Variants in HS3ST5 observed in about 807,000 individuals in gnomAD.
The protein encoded by HS3ST5 is heparan sulfate-glucosamine 3-sulfotransferase 5, also known as heparan sulfate glucosamine 3-O-sulfotransferase 5.
A neutral mutation model predicts 25.4 loss-of-function variants in HS3ST5; 10 were observed. The ratio of observed to expected loss-of-function variants is 0.39; its 90% CI spans 0.24 to 0.67. HS3ST5 has a LOEUF of 0.67. Ranked by LOEUF, HS3ST5 falls within the 30% of genes least tolerant of loss-of-function variation. HS3ST5 has a pLI of 0.44. For synonymous variants in HS3ST5, 170 were observed against 162.4 expected (o/e 1.05, Z -0.36); for missense variants, 324 against 420.7 (o/e 0.77, Z 2.01).
intron 3 of HS3ST5, among the ~76,000 whole-genome samples, chr6:114,150,231 T>C (rs984074873): frequency 5.3e-5 from 8 of 152,240 alleles, no homozygotes; most frequent in African/African-American, 1.9e-4. Flanking sequence ...TTTTAATCTG[T>C]ACTGTTATTT....
chr6:114,267,944 A>C (rs1009336978), intron 1 of HS3ST5, among the ~76,000 whole-genome samples: 6 of 152,188 alleles, frequency 3.9e-5, no homozygotes, highest in African/African-American at 1.4e-4. Flanking sequence ...CTTAATGATT[A>C]CAAAAAAAAT....
intron 1 of HS3ST5, among the ~76,000 whole-genome samples, chr6:114,326,948 T>G (rs1776198650): frequency 6.6e-6 from 1 of 152,174 alleles, no homozygotes; most frequent in Non-Finnish European, 1.5e-5. Flanking sequence ...TTAGTGAAGC[T>G]TTGTGGTTTA....
rs561469803 is a variant in HS3ST5, at chr6:114,168,769, A to G, written c.-144-307T>C. On this transcript the variant is annotated intron_variant, in intron 2 of 4. Transcript: ENST00000312719. ...ACATAGACTTTTAAATAACATTTGT[A>G]TAGCAGAACCTTGTTTCTGATCTGG... Among the ~76,000 whole-genome samples the G allele has an allele frequency of 1.7e-4, 26 of 152,326 alleles. 2 individuals are homozygous for G. In the South Asian group the frequency reaches 5.0e-3, roughly 29 times the overall value.
chr6:114,256,351 G>A (rs1354346900), intron 1 of HS3ST5, among the ~76,000 whole-genome samples: 4 of 150,114 alleles, frequency 2.7e-5, no homozygotes, highest in African/African-American at 4.9e-5. Context: ...TTGCGCCACT[G>A]CACTCCAGCC....
chr6:114,306,256 T>TATATATAC (rs756494412), intron 1 of HS3ST5, among the ~76,000 whole-genome samples: 58 of 115,402 alleles, frequency 5.0e-4, no homozygotes, highest in African/African-American at 1.6e-3. Context: ...TATATATATA[T>TATATATAC]ACACACACAC....
In HS3ST5 at chr6:114,211,943, C is replaced by A. The variant is rs189842724; in HGVS notation, c.-145+16642G>T. Among the ~76,000 whole-genome samples the A allele has an allele frequency of 3.9e-3, 592 of 152,312 alleles. 3 individuals carry two copies. The highest frequency in any genetic ancestry group is 7.2e-3 in the Non-Finnish European group (490 of 68,028). ...ATGTTATGTGCCCCACATTGTTCTG[C>A]AACAGCGTGGGAAATATGATAGAAA... On this transcript the variant is annotated intron_variant, in intron 2 of 4. Coordinates refer to ENST00000312719, the MANE Select transcript of HS3ST5 (RefSeq NM_153612.4).
At chr6:114,122,435 C>G (rs1253001035) in intron 3 of HS3ST5, among the ~76,000 whole-genome samples, 1 of 152,138 alleles carries the variant, frequency 6.6e-6, no homozygotes, top group African/African-American at 2.4e-5. Context: ...TTTCAGAACT[C>G]CCAGGGAATT....
intron 1 of HS3ST5, among the ~76,000 whole-genome samples, chr6:114,335,825 T>C (rs1776587462): frequency 6.6e-6 from 1 of 152,098 alleles, no homozygotes; most frequent in African/African-American, 2.4e-5. Context: ...AGCTAATTTT[T>C]GTATTTTTAG....
chr6:114,082,125 T>A (rs915743231), intron 3 of HS3ST5, among the ~76,000 whole-genome samples: 9 of 152,228 alleles, frequency 5.9e-5, no homozygotes, highest in African/African-American at 1.9e-4. Flanking sequence ...TAGAATTTCC[T>A]TCCATTCAGC....
chr6:114,104,617 T>G (rs1775901914), intron 3 of HS3ST5, among the ~76,000 whole-genome samples: 1 of 152,340 alleles, frequency 6.6e-6, no homozygotes, highest in East Asian at 1.9e-4. Context: ...GCATGAAATA[T>G]GCAGGTGCAA....
chr6:114,118,024 A>T (rs993965962), intron 3 of HS3ST5, among the ~76,000 whole-genome samples: 1 of 152,194 alleles, frequency 6.6e-6, no homozygotes, highest in African/African-American at 2.4e-5. Flanking sequence ...GAAAAAGAAG[A>T]CACCTAGCAA....
In HS3ST5 at chr6:114,185,939, G is replaced by A. The variant is rs543439829; in HGVS notation, c.-144-17477C>T. Among the ~76,000 whole-genome samples the A allele has an allele frequency of 2.0e-5, 3 of 151,824 alleles. No homozygotes were observed. In the East Asian group the frequency reaches 5.8e-4, roughly 30 times the overall value. On this transcript the variant is annotated intron_variant, in intron 2 of 4. Transcript: ENST00000312719. ...AGTAGAGACAGGGTCTCCCTATTTT[G>A]CCCCAAGCTGTGATCTGTGATCTTT...
intron 1 of HS3ST5, among the ~76,000 whole-genome samples, chr6:114,283,228 A>G (rs927863584): frequency 1.3e-5 from 2 of 151,886 alleles, no homozygotes; most frequent in Non-Finnish European, 2.9e-5. Context: ...TAAAATACCA[A>G]CCTTGGTTTT....
chr6:114,259,851 ATAT>A (rs2114662716), intron 1 of HS3ST5, among the ~76,000 whole-genome samples: 1 of 152,344 alleles, frequency 6.6e-6, no homozygotes, highest in African/African-American at 2.4e-5. Context: ...AAGGAAGCTA[ATAT>A]TATAACTAAC....
At chr6:114,330,923 T>C (rs1402657612) in intron 1 of HS3ST5, among the ~76,000 whole-genome samples, 4 of 152,328 alleles carry the variant, frequency 2.6e-5, no homozygotes, top group African/African-American at 4.8e-5. Context: ...ACATTAACCA[T>C]ATTTAGGACT....
At chr6:114,299,160 A>G (rs1162236268) in intron 1 of HS3ST5, among the ~76,000 whole-genome samples, 1 of 152,162 alleles carries the variant, frequency 6.6e-6, no homozygotes, top group African/African-American at 2.4e-5. Context: ...GTGGGCCTCT[A>G]AAATGGCCCC....
Position 114,057,894 on chromosome 6 carries a change from C to A in HS3ST5, c.404G>T (p.Gly135Val). 1 of 1,614,142 alleles carries A rather than the reference C, an allele frequency of 6.2e-7. No individual in the cohort carries two copies. The highest frequency in any genetic ancestry group is 8.5e-7 in the Non-Finnish European group (1 of 1,180,038). Residue 135 changes from glycine to valine, a missense_variant, in exon 5 of 5, where the codon GGC becomes GTC. Physicochemically the swap from Gly to Val is moderately radical, Grantham distance 109. Transcript: ENST00000312719. ...CATCTTTTTCCTATACCACTCAATG[C>A]CCTTACCATAATTCTCATCATTATC... The part of the protein sequence containing the change: ...FFDNDENYGK[G>V]IEWYRKKMPF...
chr6:114,057,067 C>T lies in HS3ST5; in HGVS notation c.*190G>A. The T allele has an allele frequency of 1.9e-6, 1 of 516,048 alleles. No homozygotes were observed. Among genetic ancestry groups the T allele is most frequent in the Non-Finnish European group, 3.4e-6 (1 of 296,646 alleles). The allele number at this position is 516,048 out of a possible 1,614,324, so 32.0% of individuals were successfully genotyped here. A position where few individuals can be genotyped will look rare whatever the true frequency, so the allele number is the denominator to read the frequency against. On this transcript the variant is annotated 3_prime_UTR_variant, in exon 5 of 5. Coordinates refer to ENST00000312719, the MANE Select transcript of HS3ST5 (RefSeq NM_153612.4). ...TTAAAAGATGCGACTATGCAGACAGCAATTTTTTTTTTTTCGTAAATTTTC... is the reference window on the plus strand; with the variant it reads ...TTAAAAGATGCGACTATGCAGACAGTAATTTTTTTTTTTTCGTAAATTTTC...
At chr6:114,317,168 A>G (rs1323217330) in intron 1 of HS3ST5, among the ~76,000 whole-genome samples, 1 of 152,224 alleles carries the variant, frequency 6.6e-6, no homozygotes, top group East Asian at 1.9e-4. Flanking sequence ...AAAAATATCA[A>G]ATGTGGAATT....
Sources: allele counts gnomAD v4.1 joint callset (sites outside exome capture counted in the v4.1 genomes callset), GRCh38; gene constraint gnomAD v4.1.1; transcripts MANE v1.5; gene names NCBI Gene and HGNC (gene_info 2026-07-23, HGNC 2026-07-21).